MAP3K13: variants seen among roughly 807,000 people sequenced by gnomAD.
MAP3K13 encodes the protein leucine zipper-bearing kinase.
A neutral mutation model predicts 104.0 loss-of-function variants in MAP3K13; 52 were observed. The ratio of observed to expected loss-of-function variants is 0.50; its 90% CI spans 0.40 to 0.63. MAP3K13 has a LOEUF of 0.63. Among genes scored for constraint, MAP3K13 ranks in the 20% least tolerant of loss-of-function variants. MAP3K13 has a pLI of 0.00. For missense variants in MAP3K13, 914 were observed against 1,218.5 expected (o/e 0.75, Z 3.72); for synonymous variants, 394 against 442.2 (o/e 0.89, Z 1.37).
intron 1 of MAP3K13, among the ~76,000 whole-genome samples, chr3:185,413,363 C>T (rs1303714875): frequency 6.6e-6 from 1 of 152,114 alleles, no homozygotes; most frequent in Non-Finnish European, 1.5e-5. Context: ...TTTTCCCAGT[C>T]CTATATGGTT....
chr3:185,313,215 T>A (rs1327751193), intron 2 of MAP3K13, among the ~76,000 whole-genome samples: 1 of 146,382 alleles, frequency 6.8e-6, no homozygotes, highest in Non-Finnish European at 1.5e-5. Context: ...AAATGTAGAA[T>A]AAAACAAATT....
rs1714222944 is a variant in MAP3K13 at position 185,423,021 on chromosome 3, GC to G, written c.-85-5473del. ...AGGGATCTAGGGATCTAGGTTATGT[GC>G]CCTTTATGAGAATCTAATGACTAAT... On this transcript the variant is annotated intron_variant, in intron 1 of 13. Coordinates refer to ENST00000265026, the MANE Select transcript of MAP3K13 (RefSeq NM_004721.5). This position sits in a 1 kb window ranked among gnomAD's most constrained non-coding sequence, Gnocchi z 4.1. 6.6e-6 allele frequency among the ~76,000 whole-genome samples: 1 copy of G among 152,112 alleles called. No homozygotes were observed. Among genetic ancestry groups the G allele is most frequent in the African/African-American group, 2.4e-5 (1 of 41,408 alleles).
Position 185,473,076 on chromosome 3 carries a change from GC to G in MAP3K13, c.1747del (p.Arg583AspfsTer24). ...AAAATGTCCACTTCTAGCAGCAAGA[GC>G]CGATATCGAAGCAAACCACGCCACC... ...SPKMSTSSSK[S>X]RYRSKPRHRR... On this transcript the variant is annotated frameshift_variant, in exon 11 of 14. Transcript: ENST00000265026. LOFTEE classifies it high-confidence loss of function. The surrounding 1 kb of genome is among the most constrained non-coding windows in gnomAD (Gnocchi z 4.9). 1 of 1,614,186 alleles carries G rather than the reference GC, an allele frequency of 6.2e-7. No individual in the cohort carries two copies. The highest frequency in any genetic ancestry group is 1.1e-5 in the South Asian group (1 of 91,084).
chr3:185,421,215 G>A (rs1714105852), intron 1 of MAP3K13, among the ~76,000 whole-genome samples: 1 of 151,190 alleles, frequency 6.6e-6, no homozygotes, highest in Non-Finnish European at 1.5e-5. Context: ...TGTTTTCGAG[G>A]CGGAGTCTCC....
intron 2 of MAP3K13, among the ~76,000 whole-genome samples, chr3:185,356,180 GAGTT>G (rs1467663872): frequency 1.3e-5 from 2 of 150,132 alleles, no homozygotes; most frequent in South Asian, 4.2e-4. Flanking sequence ...CACCATGTGA[GAGTT>G]AGAAGACAGA....
chr3:185,454,533 GA>G lies in MAP3K13; in HGVS notation c.1278+3139del, dbSNP rs1369580642. ...TATATATGATATATACCATATATAT[GA>G]GATATATATATGATATATACACATA... On this transcript the variant is annotated intron_variant, in intron 7 of 13. Coordinates refer to ENST00000265026, the MANE Select transcript of MAP3K13 (RefSeq NM_004721.5). Among the ~76,000 whole-genome samples, 9 of 35,308 alleles carry G rather than the reference GA, an allele frequency of 2.5e-4. 1 individual carries two copies. Among genetic ancestry groups the G allele is most frequent in the African/African-American group, 4.2e-4 (6 of 14,380 alleles). The allele number at this position is 35,308 out of a possible 152,430, so 23.2% of individuals were successfully genotyped here.
At chr3:185,406,048 A>G (rs577189897) in intron 1 of MAP3K13, among the ~76,000 whole-genome samples, 3 of 152,346 alleles carry the variant, frequency 2.0e-5, no homozygotes, top group East Asian at 3.9e-4. Context: ...CAGGGCTGTC[A>G]GTGGGAATGA....
chr3:185,453,462 G>A (rs144296831), intron 7 of MAP3K13, among the ~76,000 whole-genome samples: 1 of 152,152 alleles, frequency 6.6e-6, no homozygotes, highest in East Asian at 1.9e-4. Flanking sequence ...GATGAAAACA[G>A]TCCTGAACTT....
chr3:185,457,137 AGT>A (rs1332842138), intron 7 of MAP3K13, among the ~76,000 whole-genome samples: 5 of 151,918 alleles, frequency 3.3e-5, no homozygotes, highest in Admixed American at 6.6e-5. Flanking sequence ...AAGTTGCCAC[AGT>A]CGGGTTCCTC....
intron 2 of MAP3K13, among the ~76,000 whole-genome samples, chr3:185,300,013 C>T (rs1260000803): frequency 2.6e-5 from 4 of 152,208 alleles, no homozygotes; most frequent in Non-Finnish European, 5.9e-5. Flanking sequence ...TTTCTCTCTT[C>T]CCCATTCTAC....
intron 2 of MAP3K13, among the ~76,000 whole-genome samples, chr3:185,323,627 C>A (rs1721944194): frequency 6.6e-6 from 1 of 152,072 alleles, no homozygotes; most frequent in Non-Finnish European, 1.5e-5. Flanking sequence ...GCCACCGTGC[C>A]TGGCCACAGT....
At chr3:185,316,781 T>G (rs1403607447) in intron 2 of MAP3K13, among the ~76,000 whole-genome samples, 2 of 152,212 alleles carry the variant, frequency 1.3e-5, no homozygotes, top group African/African-American at 4.8e-5. Flanking sequence ...TAATTCCAGT[T>G]TTATTTTAAA....
chr3:185,384,292 T>C (rs1231341212), intron 1 of MAP3K13, among the ~76,000 whole-genome samples: 1 of 145,860 alleles, frequency 6.9e-6, no homozygotes, highest in African/African-American at 2.6e-5. Context: ...TTTTTATGAC[T>C]AAATAGTATT....
rs1715868224 is a variant in MAP3K13 at position 185,451,330 on chromosome 3, A to G, written c.1213A>G (p.Met405Val). Reference protein sequence around the residue: ...RNRPSFRQTLMHLDIASADVL... With the variant: ...RNRPSFRQTLVHLDIASADVL... ...CCGACCTTCTTTTCGGCAGACACTC[A>G]TGCATTTAGACATTGCCTCTGCAGA... Residue 405 changes from methionine (M) to valine (V), a missense_variant, in exon 7 of 14, where the codon ATG (methionine) becomes GTG (valine). Physicochemically the swap from Met to Val is conservative, Grantham distance 21. This residue lies in a region of MAP3K13 where 583 missense variants were observed against 737.4 expected (regional missense o/e 0.79). Transcript: ENST00000265026. 6.2e-7 allele frequency: 1 copy of G among 1,613,766 alleles called. No homozygotes were observed. Among genetic ancestry groups the G allele is most frequent in the Non-Finnish European group, 8.5e-7 (1 of 1,179,736 alleles).
intron 2 of MAP3K13, chr3:185,291,876 G>C: frequency 6.8e-6 from 7 of 1,034,354 alleles, no homozygotes; most frequent in Admixed American, 7.0e-5. Context: ...CGTTCCTTTA[G>C]ACTAGAGCCA....
chr3:185,401,968 A>G (rs1373605163), intron 1 of MAP3K13, among the ~76,000 whole-genome samples: 1 of 152,242 alleles, frequency 6.6e-6, no homozygotes, highest in African/African-American at 2.4e-5. Context: ...TATAATTTTT[A>G]GTTACTCAAT....
intron 1 of MAP3K13, among the ~76,000 whole-genome samples, chr3:185,374,315 T>G (rs941133983): frequency 6.6e-6 from 1 of 151,926 alleles, no homozygotes; most frequent in Admixed American, 6.6e-5. Flanking sequence ...TTTTGGGGGT[T>G]GTATGGAGAG....
chr3:185,442,097 T>C (rs1222158510), intron 3 of MAP3K13, among the ~76,000 whole-genome samples: 2 of 151,598 alleles, frequency 1.3e-5, no homozygotes, highest in South Asian at 2.1e-4. Flanking sequence ...TCCCAGCTAT[T>C]TGGGATGCTG....
chr3:185,427,198 C>CAAA (rs58646071), intron 1 of MAP3K13, among the ~76,000 whole-genome samples: 1 of 127,136 alleles, frequency 7.9e-6, no homozygotes, highest in Non-Finnish European at 1.7e-5. Flanking sequence ...ACTAAAAATA[C>CAAA]AAAAAAAAAA....
Sources: gnomAD v4.1 joint callset for allele counts (sites outside exome capture counted in the v4.1 genomes callset) on GRCh38, gnomAD v4.1.1 for gene constraint, gnomAD v4.1.1 regional missense constraint, Gnocchi (gnomAD v3.1) non-coding constraint, MANE v1.5 for transcripts, NCBI Gene and HGNC (gene_info 2026-07-23, HGNC 2026-07-21) for gene names.